The following ZNF236 variants were observed in gnomAD, a reference collection of about 807,000 sequenced individuals.
ZNF236 encodes zinc finger protein 236.
Under a neutral mutation model 191.2 loss-of-function variants are expected in ZNF236, and 50 were observed. The ratio of observed to expected loss-of-function variants is 0.26; its 90% CI spans 0.21 to 0.33. The LOEUF is 0.33. ZNF236 is among the 10% of genes least tolerant of loss of function. The pLI, the probability that ZNF236 is intolerant of heterozygous loss-of-function variation, is 1.00. For synonymous variants in ZNF236, 907 were observed against 928.8 expected (o/e 0.98, Z 0.43); for missense variants, 1,754 against 2,374.5 (o/e 0.74, Z 5.43).
chr18:76,851,637 C>CT (rs1975874871), intron 2 of ZNF236, 138 bp from the exon 3 acceptor site: 1 of 891,238 alleles, frequency 1.1e-6, no homozygotes, highest in African/African-American at 1.7e-5. Context: ...GATTTATTGA[C>CT]TTAAGAGCCA....
Position 76,910,270 on chromosome 18 carries a change from G to A in ZNF236, c.2653+101G>A, listed in dbSNP as rs909288302. 5.9e-6 allele frequency: 6 copies of A among 1,019,156 alleles called. 1 individual carries two copies. The highest frequency in any genetic ancestry group is 2.6e-4 in the Middle Eastern group (1 of 3,892). 63.1% of individuals were successfully genotyped at this position (1,019,156 alleles called of 1,614,324 possible). On this transcript the variant is annotated intron_variant, in intron 15 of 30. Coordinates refer to ENST00000320610, the MANE Select transcript of ZNF236 (RefSeq NM_001306089.2). ...TGTTTTCTCTTAAGGCCCTTCTAAAGTGTATGGTTTCAAACCAAATAACTT... is the reference window on the plus strand; with the variant it reads ...TGTTTTCTCTTAAGGCCCTTCTAAAATGTATGGTTTCAAACCAAATAACTT...
At chr18:76,836,078 T>C (rs1405891772) in intron 1 of ZNF236, among the ~76,000 whole-genome samples, 1 of 151,894 alleles carries the variant, frequency 6.6e-6, no homozygotes, top group Non-Finnish European at 1.5e-5. Context: ...CAGCTAATTT[T>C]TGTATTTTTA....
chr18:76,943,702 A>C (rs1384607445), intron 26 of ZNF236, among the ~76,000 whole-genome samples: 2 of 152,230 alleles, frequency 1.3e-5, no homozygotes, highest in Non-Finnish European at 2.9e-5. Context: ...AAAGAAGCCA[A>C]TTCTGAAGTA....
In ZNF236 at chr18:76,971,964, C is replaced by T. The variant is rs777998000; in HGVS notation, c.*3625C>T. On this transcript the variant is annotated 3_prime_UTR_variant, in exon 31 of 31. Transcript: ENST00000320610. ...AAAAAAAGTTAATCCAAGGATTGAT[C>T]GTTGCGAATGTATCCCTTTTCCAAG... Among the ~76,000 whole-genome samples the T allele has an allele frequency of 3.3e-5, 5 of 152,118 alleles. No individual in the cohort carries two copies. The highest frequency in any genetic ancestry group is 4.8e-5 in the African/African-American group (2 of 41,414).
chr18:76,828,369 T>C (rs1287824454), intron 1 of ZNF236, among the ~76,000 whole-genome samples: 4 of 152,008 alleles, frequency 2.6e-5, no homozygotes, highest in Non-Finnish European at 4.4e-5. Flanking sequence ...GGTTTTGCCA[T>C]GTTGGCCAGG....
At chr18:76,896,508 A>T (rs928645151) in intron 10 of ZNF236, among the ~76,000 whole-genome samples, 1 of 151,704 alleles carries the variant, frequency 6.6e-6, no homozygotes, top group African/African-American at 2.4e-5. Flanking sequence ...GTACCCACAC[A>T]GGCACTGCCC....
chr18:76,905,342 C>G lies in ZNF236; in HGVS notation c.2224C>G (p.Pro742Ala), dbSNP rs562765072. 4.3e-6 allele frequency: 7 copies of G among 1,614,142 alleles called. No homozygotes were observed. In the Admixed American group the frequency reaches 1.2e-4, roughly 27 times the overall value. Residue 742 changes from proline (P) to alanine (A), a missense_variant, in exon 13 of 31, where the codon CCC (proline) becomes GCC (alanine). Transcript: ENST00000320610. ...CATGGGTATCCACAACGACCTTCGTCCCTATATGTGTCCCTATTGCCAAAA... is the reference window on the plus strand; with the variant it reads ...CATGGGTATCCACAACGACCTTCGTGCCTATATGTGTCCCTATTGCCAAAA... ...RHMGIHNDLR[P>A]YMCPYCQKTF...
chr18:76,930,821 T>C (rs1339440925), intron 25 of ZNF236, among the ~76,000 whole-genome samples: 1 of 152,226 alleles, frequency 6.6e-6, no homozygotes, highest in Non-Finnish European at 1.5e-5. Flanking sequence ...GTGTGATTTT[T>C]AGGGCCTAAA....
chr18:76,920,921 T>C (rs1967515273), intron 20 of ZNF236, among the ~76,000 whole-genome samples: 1 of 152,248 alleles, frequency 6.6e-6, no homozygotes, highest in African/African-American at 2.4e-5. Flanking sequence ...ATCAGCGTTC[T>C]CCTGAAGAAT....
At chr18:76,834,473 T>TTGTTTC in intron 1 of ZNF236, 1 of 409,506 alleles carries the variant, frequency 2.4e-6, no homozygotes, top group Non-Finnish European at 4.7e-6. Flanking sequence ...TATTTGCCCT[T>TTGTTTC]TTACTTTTCT....
At chr18:76,903,805 T>C (rs1390310642) in intron 11 of ZNF236, among the ~76,000 whole-genome samples, 2 of 151,852 alleles carry the variant, frequency 1.3e-5, no homozygotes, top group Non-Finnish European at 2.9e-5. Context: ...AAATGAAATA[T>C]TTAAATTACT....
chr18:76,903,211 T>TA lies in ZNF236; in HGVS notation c.1895-1169_1895-1168insA, dbSNP rs1170422092. Among the ~76,000 whole-genome samples, 3 of 152,358 alleles carry TA rather than the reference T, an allele frequency of 2.0e-5. No homozygotes were observed. The East Asian group carries it at 5.8e-4, about 29-fold the overall frequency. ...AAATTCCCTCCAGCTTTGTAATTGT[T>TA]TCACTGCTATTTGAGATTGGTGGCA... On this transcript the variant is annotated intron_variant, in intron 11 of 30. Transcript: ENST00000320610.
Position 76,913,807 on chromosome 18 carries a change from G to A in ZNF236, c.2970G>A (p.Ser990=), listed in dbSNP as rs201491986. 5.6e-5 allele frequency: 90 copies of A among 1,614,064 alleles called. No homozygotes were observed. The African/African-American group carries it at 8.5e-4, about 15-fold the overall frequency. ...KSSHLKQHVR[S]HTGEKPYKCK... is the part of the protein sequence containing the mutation. ...GCCACCTGAAGCAGCATGTGCGGTCGCACACCGGGGAAAAGCCCTACAAGT... is the reference window on the plus strand; with the variant it reads ...GCCACCTGAAGCAGCATGTGCGGTCACACACCGGGGAAAAGCCCTACAAGT... Residue 990 remains serine (S), a synonymous_variant, in exon 18 of 31, where the codon TCG becomes TCA. Transcript: ENST00000320610.
intron 30 of ZNF236, among the ~76,000 whole-genome samples, chr18:76,964,748 T>C (rs56750808): frequency 0.39 from 59,487 of 152,008 alleles, 12,745 homozygotes; most frequent in Non-Finnish European, 0.5. Context: ...AGCTCCAGTG[T>C]TAGGTGCATG....
Position 76,907,016 on chromosome 18 carries a change from G to A in ZNF236, c.2298-1304G>A, listed in dbSNP as rs188879388. ...AGAAAACAAGCCTCCATCAGTTAGC[G>A]TGAGACACACATGTGCTTAGGTTAG... On this transcript the variant is annotated intron_variant, in intron 13 of 30. Transcript: ENST00000320610. Among the ~76,000 whole-genome samples, 270 of 152,330 alleles carry A rather than the reference G, an allele frequency of 1.8e-3. 2 individuals are homozygous for A. The highest frequency in any genetic ancestry group is 2.3e-3 in the Non-Finnish European group (159 of 68,030).
At chr18:76,832,691 G>A (rs913937806) in intron 1 of ZNF236, among the ~76,000 whole-genome samples, 13 of 151,580 alleles carry the variant, frequency 8.6e-5, no homozygotes, top group East Asian at 1.9e-4. Flanking sequence ...TAATTTTTGC[G>A]ATCATCTTGA....
At chr18:76,953,845 G>A (rs543434934) in intron 27 of ZNF236, among the ~76,000 whole-genome samples, 1 of 152,110 alleles carries the variant, frequency 6.6e-6, no homozygotes, top group Non-Finnish European at 1.5e-5. Context: ...CGTTCTTTCC[G>A]GGCTCATTAG....
intron 10 of ZNF236, among the ~76,000 whole-genome samples, chr18:76,896,022 C>T (rs555009908): frequency 3.9e-5 from 6 of 152,116 alleles, no homozygotes; most frequent in Non-Finnish European, 8.8e-5. Flanking sequence ...CAGTACCAAA[C>T]ACAGGTACTG....
intron 28 of ZNF236, among the ~76,000 whole-genome samples, chr18:76,957,778 G>A (rs1230300468): frequency 6.6e-6 from 1 of 152,122 alleles, no homozygotes; most frequent in African/African-American, 2.4e-5. Flanking sequence ...TTGGTTTTCT[G>A]TTTCAAGATG....
Sources: allele counts gnomAD v4.1 joint callset (sites outside exome capture counted in the v4.1 genomes callset), GRCh38; gene constraint gnomAD v4.1.1; transcripts MANE v1.5; gene names NCBI Gene and HGNC (gene_info 2026-07-23, HGNC 2026-07-21).